ITPK1: variants seen among roughly 807,000 people sequenced by gnomAD.
ITPK1 encodes inositol 1,3,4-trisphosphate 5/6-kinase.
Under a neutral mutation model 45.3 loss-of-function variants are expected in ITPK1, and 21 were observed. The observed-to-expected ratio is 0.46, with a 90% CI of 0.33 to 0.67. ITPK1 has a LOEUF of 0.67. Ranked by LOEUF, ITPK1 falls within the 30% of genes least tolerant of loss-of-function variation. The pLI is 0.02. For synonymous variants in ITPK1, 258 were observed against 253.6 expected, an observed-to-expected ratio of 1.02 and a Z score of -0.16; for missense variants, 474 against 573.5, an observed-to-expected ratio of 0.83 and a Z score of 1.77.
At chr14:92,982,576 G>C (rs1886287527) in intron 5 of ITPK1, among the ~76,000 whole-genome samples, 1 of 152,186 alleles carries the variant, frequency 6.6e-6, no homozygotes, top group Non-Finnish European at 1.5e-5. Flanking sequence ...AAGATCACCT[G>C]CCCCTGCGGA....
At chr14:93,091,430 C>T (rs1017874386) in intron 2 of ITPK1, among the ~76,000 whole-genome samples, 3 of 152,206 alleles carry the variant, frequency 2.0e-5, no homozygotes, top group African/African-American at 7.2e-5. Context: ...TGGCCTCGGG[C>T]TCTTCCCAAG....
intron 5 of ITPK1, among the ~76,000 whole-genome samples, chr14:92,967,064 A>C (rs1342008166): frequency 6.6e-6 from 1 of 152,260 alleles, no homozygotes; most frequent in African/African-American, 2.4e-5. Flanking sequence ...ACTAAAAGCA[A>C]AAGCAACCCA....
chr14:93,065,344 G>GA (rs1317274407), intron 3 of ITPK1, among the ~76,000 whole-genome samples: 1 of 152,152 alleles, frequency 6.6e-6, no homozygotes, highest in Non-Finnish European at 1.5e-5. Flanking sequence ...ACCTCATTCA[G>GA]ACTCACGCTT....
At chr14:93,097,183 A>C (rs1396202991) in intron 2 of ITPK1, among the ~76,000 whole-genome samples, 2 of 152,194 alleles carry the variant, frequency 1.3e-5, no homozygotes, top group Non-Finnish European at 2.9e-5. Context: ...GTGTGCAGAC[A>C]TGTTCCCAGG....
At chr14:92,965,820 A>G (rs1350614420) in intron 5 of ITPK1, among the ~76,000 whole-genome samples, 1 of 152,160 alleles carries the variant, frequency 6.6e-6, no homozygotes, top group African/African-American at 2.4e-5. Context: ...CCTGATCAAC[A>G]TGGAGAAAAC....
In ITPK1 at chr14:93,076,690, C is replaced by A; in HGVS notation, c.96-71G>T. 1 of 1,597,534 alleles carries A rather than the reference C, an allele frequency of 6.3e-7. No individual in the cohort carries two copies. Among genetic ancestry groups the A allele is most frequent in the Admixed American group, 1.7e-5 (1 of 59,974 alleles). On this transcript the variant is annotated intron_variant, in intron 2 of 10. Transcript: ENST00000267615. The surrounding 1 kb of genome is among the most constrained non-coding windows in gnomAD (Gnocchi z 4.3). ...ACACGTCCTTTCCGAAGGTTCCCGA[C>A]AGCCGGCTGAGGGCAGGACCATGAG...
chr14:93,038,204 T>G (rs564912932), intron 3 of ITPK1, among the ~76,000 whole-genome samples: 2 of 152,072 alleles, frequency 1.3e-5, no homozygotes, highest in Non-Finnish European at 2.9e-5. Context: ...CCAGCTAACT[T>G]TTGTATTTTT....
At chr14:93,103,467 G>A (rs1014961262) in intron 2 of ITPK1, among the ~76,000 whole-genome samples, 6 of 151,950 alleles carry the variant, frequency 3.9e-5, no homozygotes, top group Non-Finnish European at 8.8e-5. Context: ...AGGACCCTGA[G>A]AGGTACGTGA....
At chr14:93,096,988 G>A (rs550689924) in intron 2 of ITPK1, among the ~76,000 whole-genome samples, 3 of 152,256 alleles carry the variant, frequency 2.0e-5, no homozygotes, top group East Asian at 3.9e-4. Flanking sequence ...TACCTGGGTC[G>A]GTAGAGCTGG....
Position 93,095,580 on chromosome 14 carries a change from T to TTG in ITPK1, c.96-18962_96-18961insCA, listed in dbSNP as rs796540562. The stretch of plus-strand genomic sequence containing the variant: ...ACCTAGAGTCACGGACTAGGTTTTT[T>TTG]TTTTTTTTTTTTAATAAATTCAACT... On this transcript the variant is annotated intron_variant, in intron 2 of 10. Coordinates refer to ENST00000267615, the MANE Select transcript of ITPK1 (RefSeq NM_014216.6). Among the ~76,000 whole-genome samples the TTG allele has an allele frequency of 6.8e-4, 95 of 139,440 alleles. 1 individual carries two copies. Among genetic ancestry groups the TTG allele is most frequent in the African/African-American group, 2.5e-3 (85 of 34,316 alleles). 91.5% of individuals were successfully genotyped at this position (139,440 alleles called of 152,430 possible). A position where few individuals can be genotyped will look rare whatever the true frequency, so the allele number is the denominator to read the frequency against.
intron 9 of ITPK1, among the ~76,000 whole-genome samples, chr14:92,951,379 G>A (rs1224838201): frequency 6.6e-6 from 1 of 152,140 alleles, no homozygotes; most frequent in Admixed American, 6.5e-5. Context: ...CCTTGTGAAC[G>A]TGCAAAGATC....
Position 92,941,781 on chromosome 14 carries a change from A to C in ITPK1, c.1025T>G (p.Leu342Arg), listed in dbSNP as rs748097854. 4 of 1,609,682 alleles carry C rather than the reference A, an allele frequency of 2.5e-6. No homozygotes were observed. The highest frequency in any genetic ancestry group is 3.4e-6 in the Non-Finnish European group (4 of 1,179,102). ...CACCAGGCCGCCCGCCGGCTCGGCC[A>C]GAAGCTTGCTGTGCCTCAGCAGGGC... ...DVALLRHSKL[L>R]AEPAGGLVGE... Residue 342 changes from leucine to arginine, a missense_variant, in exon 11 of 11, where the codon CTG becomes CGG. Leu to Arg is a moderately radical substitution (Grantham distance 102, BLOSUM62 -2). Around this residue, in one of 2 missense-constraint regions of ITPK1, gnomAD observed 367 missense variants for 480.6 expected, o/e 0.76. Coordinates refer to ENST00000267615, the MANE Select transcript of ITPK1 (RefSeq NM_014216.6).
At chr14:93,061,318 C>T (rs1042655465) in intron 3 of ITPK1, among the ~76,000 whole-genome samples, 3 of 152,196 alleles carry the variant, frequency 2.0e-5, no homozygotes, top group Non-Finnish European at 4.4e-5. Flanking sequence ...GAAGCACCCT[C>T]GGTGCTGGGA....
chr14:93,115,838 G>T lies in ITPK1; in HGVS notation c.-209C>A. 1 of 146,704 alleles carries T rather than the reference G, an allele frequency of 6.8e-6. No individual in the cohort carries two copies. The highest frequency in any genetic ancestry group is 1.8e-4 in the South Asian group (1 of 5,418). 9.1% of individuals were successfully genotyped at this position (146,704 alleles called of 1,614,324 possible). A position where few individuals can be genotyped will look rare whatever the true frequency, so the allele number is the denominator to read the frequency against. On this transcript the variant is annotated 5_prime_UTR_variant, in exon 1 of 11. Coordinates refer to ENST00000267615, the MANE Select transcript of ITPK1 (RefSeq NM_014216.6). ...CGCGCTGCCCGCCGAGAAGGGCGGC[G>T]GCGAGCGCCCGCGCACTCGCCGCCC...
Position 93,072,615 on chromosome 14 carries a change from C to CTTTTTTTTTTTTTTTTTTTTT in ITPK1, c.120+3979_120+3980insAAAAAAAAAAAAAAAAAAAAA, listed in dbSNP as rs111822420. Among the ~76,000 whole-genome samples the CTTTTTTTTTTTTTTTTTTTTT allele has an allele frequency of 1.4e-5, 2 of 139,260 alleles. 1 individual carries two copies. The allele number at this position is 139,260 out of a possible 152,430, so 91.4% of individuals were successfully genotyped here. A position where few individuals can be genotyped will look rare whatever the true frequency, so the allele number is the denominator to read the frequency against. Reference sequence around the variant, plus strand: ...TAGTCATCTCTTATCAAATATTATTCTTTTTTTTTTTTTTTTTGAGACAGT... The same window carrying CTTTTTTTTTTTTTTTTTTTTT: ...TAGTCATCTCTTATCAAATATTATTCTTTTTTTTTTTTTTTTTTTTTTTTTTTTTTTTTTTTTTGAGACAGT... On this transcript the variant is annotated intron_variant, in intron 3 of 10. Coordinates refer to ENST00000267615, the MANE Select transcript of ITPK1 (RefSeq NM_014216.6).
intron 3 of ITPK1, among the ~76,000 whole-genome samples, chr14:93,052,230 G>T (rs2139932188): frequency 6.6e-6 from 1 of 152,270 alleles, no homozygotes; most frequent in African/African-American, 2.4e-5. Flanking sequence ...CAGCTTGTAG[G>T]ACTGTCTTTG....
intron 5 of ITPK1, among the ~76,000 whole-genome samples, chr14:92,973,487 T>TGTAA (rs1885762005): frequency 6.6e-6 from 1 of 152,366 alleles, no homozygotes; most frequent in East Asian, 1.9e-4. Flanking sequence ...CCGGCCCATC[T>TGTAA]GTAAGTTCAA....
At chr14:92,984,529 A>G (rs1886401673) in intron 5 of ITPK1, among the ~76,000 whole-genome samples, 1 of 152,188 alleles carries the variant, frequency 6.6e-6, no homozygotes, top group African/African-American at 2.4e-5. Flanking sequence ...AGTGCATCTT[A>G]CAATCGGTAA....
At chr14:93,090,991 G>A (rs1024074080) in intron 2 of ITPK1, among the ~76,000 whole-genome samples, 3 of 152,132 alleles carry the variant, frequency 2.0e-5, no homozygotes, top group African/African-American at 7.2e-5. Context: ...CAATCACCAT[G>A]GAAAGGTTTC....
Sources: allele counts gnomAD v4.1 joint callset (sites outside exome capture counted in the v4.1 genomes callset), GRCh38; gene constraint gnomAD v4.1.1; regional missense constraint gnomAD v4.1.1; non-coding constraint Gnocchi (gnomAD v3.1); transcripts MANE v1.5; gene names NCBI Gene and HGNC (gene_info 2026-07-23, HGNC 2026-07-21).